The following SLC18A1 variants were observed in gnomAD, a reference collection of about 807,000 sequenced individuals.
SLC18A1 encodes chromaffin granule amine transporter.
A neutral mutation model predicts 53.7 loss-of-function variants in SLC18A1; 69 were observed. The observed-to-expected ratio is 1.28, with a 90% CI of 1.06 to 1.57. SLC18A1 has a LOEUF of 1.57. Ranked by LOEUF, SLC18A1 falls within the 40% of genes most tolerant of loss-of-function variation. The pLI is 0.00. For synonymous variants in SLC18A1, 320 were observed against 248.1 expected (o/e 1.29, Z -2.72); for missense variants, 932 against 668.1 (o/e 1.40, Z -4.35).
At chr8:20,170,762 CAT>C (rs36178996) in intron 8 of SLC18A1, among the ~76,000 whole-genome samples, 17,776 of 148,884 alleles carry the variant, frequency 0.12, 1,234 homozygotes, top group Middle Eastern at 0.31. Flanking sequence ...TGTGTGTGCA[CAT>C]ATATATATAT....
Position 20,171,753 on chromosome 8 carries a change from GA to G in SLC18A1, c.725-260del, listed in dbSNP as rs2072126396. The stretch of plus-strand genomic sequence containing the variant: ...GTGTGTGTGTGTAGGGAGGGACACA[GA>G]TAATTAAAGCATGGTGAAAGTTTGA... On this transcript the variant is annotated intron_variant, in intron 6 of 15. Transcript: ENST00000276373. 3.3e-5 allele frequency among the ~76,000 whole-genome samples: 5 copies of G among 151,716 alleles called. No individual in the cohort carries two copies. In the South Asian group the frequency reaches 6.2e-4, roughly 19 times the overall value.
chr8:20,160,651 T>A (rs917528949), intron 10 of SLC18A1, among the ~76,000 whole-genome samples: 52 of 152,198 alleles, frequency 3.4e-4, no homozygotes, highest in African/African-American at 1.2e-3. Flanking sequence ...AAATACCTAC[T>A]TTTTTACAAA....
At chr8:20,168,993 T>C (rs1563755093) in intron 8 of SLC18A1, among the ~76,000 whole-genome samples, 1 of 152,172 alleles carries the variant, frequency 6.6e-6, no homozygotes, top group Non-Finnish European at 1.5e-5. Flanking sequence ...AGGAGATTTA[T>C]ATGACTTTAC....
chr8:20,178,121 AAC>A lies in SLC18A1; in HGVS notation c.547+312_547+313del, dbSNP rs10560327. On this transcript the variant is annotated intron_variant, in intron 4 of 15. Coordinates refer to ENST00000276373, the MANE Select transcript of SLC18A1 (RefSeq NM_003053.4). ...TGCTCAAGGGATTACTGATGCATAT[AAC>A]ACACACACACACACACACACACACA... Among the ~76,000 whole-genome samples, 494 of 148,666 alleles carry A rather than the reference AAC, an allele frequency of 3.3e-3. 1 individual carries two copies. The highest frequency in any genetic ancestry group is 7.6e-3 in the African/African-American group (308 of 40,462).
chr8:20,163,310 T>A (rs34108083), intron 10 of SLC18A1, among the ~76,000 whole-genome samples: 3 of 152,124 alleles, frequency 2.0e-5, no homozygotes, highest in African/African-American at 4.8e-5. Context: ...AGGTCCCACT[T>A]CTCAAGACTG....
At chr8:20,146,940 A>G (rs2071417053) in intron 15 of SLC18A1, among the ~76,000 whole-genome samples, 1 of 152,186 alleles carries the variant, frequency 6.6e-6, no homozygotes, top group South Asian at 2.1e-4. Flanking sequence ...TTGGTAACTC[A>G]CATCTTGCTA....
At chr8:20,178,381 G>C in intron 4 of SLC18A1, 54 bp downstream of exon 4, 1 of 1,434,554 alleles carries the variant, frequency 7.0e-7, no homozygotes. Context: ...GCATTCACTT[G>C]ATAAAATCAA....
chr8:20,155,578 T>C (rs907145449), intron 10 of SLC18A1, among the ~76,000 whole-genome samples: 4 of 152,298 alleles, frequency 2.6e-5, no homozygotes, highest in Non-Finnish European at 4.4e-5. Context: ...TACTCTATAG[T>C]TGCCCATGTG....
At chr8:20,157,623 C>T (rs1344590434) in intron 10 of SLC18A1, among the ~76,000 whole-genome samples, 1 of 152,192 alleles carries the variant, frequency 6.6e-6, no homozygotes, top group Non-Finnish European at 1.5e-5. Flanking sequence ...CTCTCTGTCA[C>T]CTGACTCTAT....
intron 10 of SLC18A1, among the ~76,000 whole-genome samples, chr8:20,157,934 C>T (rs139009171): frequency 4.9e-4 from 74 of 152,300 alleles, no homozygotes; most frequent in Middle Eastern, 3.4e-3. Flanking sequence ...TCTACAAGGA[C>T]GCTTTAAAAA....
chr8:20,180,708 A>G (rs2072403263), intron 2 of SLC18A1, 133 bp downstream of exon 2: 2 of 1,156,242 alleles, frequency 1.7e-6, no homozygotes, highest in African/African-American at 3.1e-5. Flanking sequence ...CCAGTCCCCA[A>G]CAACCTCTGT....
intron 13 of SLC18A1, 117 bp from the exon 14 acceptor site, chr8:20,147,839 C>G: frequency 6.7e-7 from 1 of 1,497,204 alleles, no homozygotes; most frequent in Non-Finnish European, 9.0e-7. Context: ...GGACTAACAC[C>G]TGTTCCAGGT....
At chr8:20,160,428 G>A (rs1162949015) in intron 10 of SLC18A1, among the ~76,000 whole-genome samples, 1 of 151,400 alleles carries the variant, frequency 6.6e-6, no homozygotes, top group African/African-American at 2.4e-5. Context: ...CAAAATAGGT[G>A]CTCCAGAATA....
rs1434456226 is a variant in SLC18A1, at chr8:20,144,987, A to G, written c.*776T>C. ...CTTCTTCCCATGAAATCTTGGGTCTAATCAGTTATTTTTTCTGTCTTTCTT... is the reference window on the plus strand; with the variant it reads ...CTTCTTCCCATGAAATCTTGGGTCTGATCAGTTATTTTTTCTGTCTTTCTT... On this transcript the variant is annotated 3_prime_UTR_variant, in exon 16 of 16. Transcript: ENST00000276373. 1 of 152,156 alleles carries G rather than the reference A, an allele frequency of 6.6e-6. No homozygotes were observed. Among genetic ancestry groups the G allele is most frequent in the Non-Finnish European group, 1.5e-5 (1 of 68,036 alleles). The allele number at this position is 152,156 out of a possible 1,614,324, so 9.4% of individuals were successfully genotyped here.
intron 6 of SLC18A1, among the ~76,000 whole-genome samples, chr8:20,171,954 A>G (rs945520789): frequency 2.6e-5 from 4 of 152,258 alleles, no homozygotes; most frequent in Non-Finnish European, 4.4e-5. Context: ...GGGTGTTAGC[A>G]GAGTATGAAT....
chr8:20,178,872 C>T (rs533772972), intron 3 of SLC18A1, among the ~76,000 whole-genome samples: 69 of 152,314 alleles, frequency 4.5e-4, no homozygotes, highest in Non-Finnish European at 7.6e-4. Flanking sequence ...GATAGAACAT[C>T]ACAGCACACT....
chr8:20,171,688 G>GTGTT (rs142339344), intron 6 of SLC18A1, among the ~76,000 whole-genome samples, 194 bp from the exon 7 acceptor site: 17,776 of 150,032 alleles, frequency 0.12, 1,237 homozygotes, highest in Middle Eastern at 0.29. Flanking sequence ...GGAAGTGTGT[G>GTGTT]TGTGTGTGTG....
intron 1 of SLC18A1, among the ~76,000 whole-genome samples, chr8:20,182,698 C>T (rs999843328): frequency 2.6e-5 from 4 of 152,340 alleles, no homozygotes; most frequent in African/African-American, 7.2e-5. Flanking sequence ...CTCACTACTA[C>T]ATATTAACGT....
At position 20,156,257 on chromosome 8, in the gene SLC18A1, C is replaced by CAA. The variant is rs34048931; in HGVS notation, c.1016-5515_1016-5514dup. Among the ~76,000 whole-genome samples, 1,052 of 132,182 alleles carry CAA rather than the reference C, an allele frequency of 8.0e-3. 20 individuals are homozygous for CAA. The highest frequency in any genetic ancestry group is 0.028 in the African/African-American group (1,004 of 35,686). The allele number at this position is 132,182 out of a possible 152,430, so 86.7% of individuals were successfully genotyped here. Reference sequence around the variant, plus strand: ...TCACCAGTTCAGAACTATCCTAAGTCAAAAAAAAAAAAAAAAGTAGCTTAC... The same window carrying CAA: ...TCACCAGTTCAGAACTATCCTAAGTCAAAAAAAAAAAAAAAAAAGTAGCTTAC... On this transcript the variant is annotated intron_variant, in intron 10 of 15. Transcript: ENST00000276373.
Sources: allele counts gnomAD v4.1 joint callset (sites outside exome capture counted in the v4.1 genomes callset), GRCh38; gene constraint gnomAD v4.1.1; transcripts MANE v1.5; gene names NCBI Gene and HGNC (gene_info 2026-07-23, HGNC 2026-07-21).